Variants in PDE10A observed in about 807,000 individuals in gnomAD.
The protein encoded by PDE10A is cAMP and cAMP-inhibited cGMP 3',5'-cyclic phosphodiesterase 10A.
A neutral mutation model predicts 97.7 loss-of-function variants in PDE10A; 39 were observed. The observed-to-expected ratio is 0.40, with a 90% CI of 0.31 to 0.52. The LOEUF (loss-of-function observed/expected upper bound fraction) is 0.52. PDE10A is among the 20% of genes least tolerant of loss of function. PDE10A has a pLI of 0.56. For synonymous variants in PDE10A, 371 were observed against 376.8 expected (o/e 0.98, Z 0.18); for missense variants, 731 against 1,047.8 (o/e 0.70, Z 4.17).
intron 1 of PDE10A, among the ~76,000 whole-genome samples, chr6:165,703,162 A>G (rs1175277173): frequency 6.6e-6 from 1 of 152,204 alleles, no homozygotes; most frequent in East Asian, 1.9e-4. Flanking sequence ...TAATTATTTT[A>G]ATGACACAAA....
chr6:165,948,157 A>T (rs953334692), intron 1 of PDE10A: 3 of 152,152 alleles, frequency 2.0e-5, no homozygotes, highest in Non-Finnish European at 4.4e-5. Context: ...TCAATAGACA[A>T]GAGATGTCTA....
At chr6:165,538,378 A>C (rs968008530) in intron 2 of PDE10A, among the ~76,000 whole-genome samples, 5 of 152,170 alleles carry the variant, frequency 3.3e-5, no homozygotes, top group African/African-American at 1.2e-4. Context: ...TATTTTAGAC[A>C]CGATCATAGA....
At chr6:165,696,490 A>G (rs1431144648) in intron 1 of PDE10A, among the ~76,000 whole-genome samples, 2 of 152,160 alleles carry the variant, frequency 1.3e-5, no homozygotes, top group East Asian at 3.9e-4. Context: ...GTCAGATTTA[A>G]AAAACATAGT....
rs1270153332 is a variant in PDE10A at position 165,943,263 on chromosome 6, G to GA, written c.-615+44265dup. Reference sequence around the variant, plus strand: ...GGAAGGAAGGAAGGAAGGAAGGAAGGAAGGAAGGAAGGAAAGAAAGAAAGA... The same window carrying GA: ...GGAAGGAAGGAAGGAAGGAAGGAAGGAAAGGAAGGAAGGAAAGAAAGAAAGA... On this transcript the variant is annotated intron_variant, in intron 1 of 19. Transcript: ENST00000366882. 9.1e-5 allele frequency among the ~76,000 whole-genome samples: 11 copies of GA among 121,064 alleles called. 3 individuals carry two copies. The highest frequency in any genetic ancestry group is 3.6e-4 in the African/African-American group (10 of 28,044). 79.4% of individuals were successfully genotyped at this position (121,064 alleles called of 152,430 possible).
intron 1 of PDE10A, among the ~76,000 whole-genome samples, chr6:165,636,260 C>CA (rs1269756133): frequency 2.0e-5 from 3 of 152,152 alleles, no homozygotes; most frequent in African/African-American, 7.2e-5. Flanking sequence ...AGCAAACACA[C>CA]AGCTAGTTCA....
intron 21 of PDE10A, among the ~76,000 whole-genome samples, chr6:165,335,456 G>C (rs1315764810): frequency 1.3e-5 from 2 of 152,090 alleles, no homozygotes; most frequent in Non-Finnish European, 2.9e-5. Flanking sequence ...GGTGTATGAA[G>C]GACTTGATAT....
At position 165,373,454 on chromosome 6, in the gene PDE10A, T is replaced by C. The variant is rs940084942; in HGVS notation, c.2783+5740A>G. On this transcript the variant is annotated intron_variant, in intron 18 of 21. Coordinates refer to ENST00000539869, the MANE Select transcript of PDE10A (RefSeq NM_001385079.1). ...CGGACACTTCTCAAAAGAAGACATT[T>C]ATGCAGCCAAAAGACACATGAAAAA... Among the ~76,000 whole-genome samples the C allele has an allele frequency of 3.9e-5, 6 of 152,168 alleles. 1 individual carries two copies. The highest frequency in any genetic ancestry group is 8.8e-5 in the Non-Finnish European group (6 of 68,028).
chr6:165,833,087 T>A (rs1779970220), intron 1 of PDE10A, among the ~76,000 whole-genome samples: 1 of 152,222 alleles, frequency 6.6e-6, no homozygotes, highest in South Asian at 2.1e-4. Context: ...TCCTATAACA[T>A]CTTTATTCTC....
intron 1 of PDE10A, among the ~76,000 whole-genome samples, chr6:165,823,506 A>ATGAACCTTAAT (rs1779635661): frequency 8.3e-5 from 8 of 96,150 alleles, no homozygotes; most frequent in Non-Finnish European, 1.9e-4. Context: ...ATATATATAT[A>ATGAACCTTAAT]TATATATATA....
At chr6:165,697,358 A>G (rs1446582992) in intron 1 of PDE10A, among the ~76,000 whole-genome samples, 1 of 152,250 alleles carries the variant, frequency 6.6e-6, no homozygotes. Context: ...ACATATACAA[A>G]GTGTTGAAAG....
chr6:165,485,512 A>G (rs915939971), intron 2 of PDE10A, among the ~76,000 whole-genome samples: 4 of 151,846 alleles, frequency 2.6e-5, no homozygotes, highest in African/African-American at 9.7e-5. Context: ...TTTTCAAAAA[A>G]ATTAAAAAAT....
At position 165,607,361 on chromosome 6, in the gene PDE10A, C is replaced by T. The variant is rs180863339; in HGVS notation, c.865+54586G>A. ...CTTAAAAATATTTATTGACTGATGA[C>T]GCAGTAGCCTTCCTAATGGTATAGC... On this transcript the variant is annotated intron_variant, in intron 1 of 21. Transcript: ENST00000539869. Among the ~76,000 whole-genome samples the T allele has an allele frequency of 1.4e-3, 211 of 152,320 alleles. 1 individual carries two copies. Among genetic ancestry groups the T allele is most frequent in the African/African-American group, 4.8e-3 (198 of 41,560 alleles).
intron 1 of PDE10A, among the ~76,000 whole-genome samples, chr6:165,554,064 A>G (rs1784137555): frequency 6.6e-6 from 1 of 152,196 alleles, no homozygotes; most frequent in African/African-American, 2.4e-5. Context: ...CTGAGGCACC[A>G]GACGCTCAAA....
chr6:165,531,588 C>T (rs1007893481), intron 2 of PDE10A, among the ~76,000 whole-genome samples: 5 of 151,982 alleles, frequency 3.3e-5, no homozygotes, highest in African/African-American at 1.2e-4. Flanking sequence ...TTCCAGATGC[C>T]CTTAAAATAT....
rs548851005 is a variant in PDE10A, at chr6:165,934,008, G to A, written c.-615+53521C>T. On this transcript the variant is annotated intron_variant, in intron 1 of 19. Coordinates refer to the PDE10A transcript ENST00000366882. ...ATTCCCTTTTTTTTTTTTTTTAGTC[G>A]GAGTCTCACTGCGATGCCCAGGCTG... 5.7e-4 allele frequency among the ~76,000 whole-genome samples: 85 copies of A among 149,214 alleles called. 1 individual carries two copies. The South Asian group carries it at 8.1e-3, about 14-fold the overall frequency.
intron 1 of PDE10A, among the ~76,000 whole-genome samples, chr6:165,948,013 A>G (rs1783829511): frequency 6.6e-6 from 1 of 152,196 alleles, no homozygotes; most frequent in African/African-American, 2.4e-5. Context: ...GTCAAATCAG[A>G]ATTCGACCTG....
At chr6:165,925,799 T>C (rs1269710959) in intron 1 of PDE10A, among the ~76,000 whole-genome samples, 1 of 152,224 alleles carries the variant, frequency 6.6e-6, no homozygotes, top group Non-Finnish European at 1.5e-5. Flanking sequence ...TTATATTGAC[T>C]ATGCCAGTGG....
intron 1 of PDE10A, among the ~76,000 whole-genome samples, chr6:165,893,874 C>T (rs1224749498): frequency 2.7e-5 from 4 of 147,754 alleles, no homozygotes; most frequent in Non-Finnish European, 5.9e-5. Flanking sequence ...GTCATGTTAG[C>T]TCTTTGAATT....
chr6:165,646,427 T>C (rs1333808645), intron 1 of PDE10A, among the ~76,000 whole-genome samples: 3 of 152,244 alleles, frequency 2.0e-5, no homozygotes, highest in Non-Finnish European at 4.4e-5. Flanking sequence ...TAATGAACTA[T>C]TCAATAAACT....
Sources: gnomAD v4.1 joint callset for allele counts (sites outside exome capture counted in the v4.1 genomes callset) on GRCh38, gnomAD v4.1.1 for gene constraint, MANE v1.5 for transcripts, NCBI Gene and HGNC (gene_info 2026-07-23, HGNC 2026-07-21) for gene names.